The following SRCAP variants were observed in gnomAD, a reference collection of about 807,000 sequenced individuals.
SRCAP encodes the protein Snf2 related CREBBP activator protein.
A neutral mutation model predicts 263.1 loss-of-function variants in SRCAP; 46 were observed. That is an observed-to-expected ratio of 0.17 (90% confidence interval 0.14 to 0.22). The LOEUF is 0.22. SRCAP is among the 10% of genes least tolerant of loss of function. The pLI, the probability that SRCAP is intolerant of heterozygous loss-of-function variation, is 1.00. For synonymous variants in SRCAP, 1,813 were observed against 1,662.1 expected, an observed-to-expected ratio of 1.09 and a Z score of -2.21; for missense variants, 3,695 against 4,181.9, an observed-to-expected ratio of 0.88 and a Z score of 3.21.
chr16:30,704,286 CA>C lies in SRCAP; in HGVS notation c.278del (p.His93LeufsTer29). ...CAAGGGCCCGAAGTGGGAGAAGAGC[CA>C]TGCCGAAATTGCAGAACAGGCCAAG... is the stretch of plus-strand genomic sequence containing the variant. Reference protein sequence around the residue: ...ANKGPKWEKSHAEIAEQAKHE... With the variant: ...ANKGPKWEKSXAEIAEQAKHE... On this transcript the variant is annotated frameshift_variant, in exon 4 of 34. Coordinates refer to ENST00000262518, the MANE Select transcript of SRCAP (RefSeq NM_006662.3). LOFTEE classifies it high-confidence loss of function. 1 of 1,612,412 alleles carries C rather than the reference CA, an allele frequency of 6.2e-7. No homozygotes were observed. The highest frequency in any genetic ancestry group is 8.5e-7 in the Non-Finnish European group (1 of 1,178,732).
intron 20 of SRCAP, 26 bp downstream of exon 20, chr16:30,721,004 A>C (rs1486478762): frequency 6.3e-7 from 1 of 1,575,904 alleles, no homozygotes; most frequent in Admixed American, 1.8e-5. Context: ...GCCAAGGATG[A>C]TGCGTGGTGC....
rs7197770 is a variant in SRCAP at position 30,704,587 on chromosome 16, T to C, written c.306+272T>C. Among the ~76,000 whole-genome samples the C allele has an allele frequency of 0.44, 66,610 of 152,090 alleles. 20,120 individuals carry two copies. The highest frequency in any genetic ancestry group is 0.85 in the African/African-American group (35,286 of 41,476). On this transcript the variant is annotated intron_variant, in intron 4 of 33. Coordinates refer to ENST00000262518, the MANE Select transcript of SRCAP (RefSeq NM_006662.3). ...GCGCAGTGGCTCACACCTGTAATCCTGGCACTTTGGGAGGCTGAGACAGGC... is the reference window on the plus strand; with the variant it reads ...GCGCAGTGGCTCACACCTGTAATCCCGGCACTTTGGGAGGCTGAGACAGGC...
chr16:30,704,953 G>C (rs1003770948), intron 4 of SRCAP, among the ~76,000 whole-genome samples: 1 of 152,136 alleles, frequency 6.6e-6, no homozygotes, highest in African/African-American at 2.4e-5. Flanking sequence ...TTATCCAGTG[G>C]TAAGTGTGGT....
chr16:30,720,684 C>T, intron 19 of SRCAP, 29 bp from the exon 20 acceptor site: 2 of 1,566,146 alleles, frequency 1.3e-6, no homozygotes, highest in Middle Eastern at 1.7e-4. Flanking sequence ...CCTTCTGTCC[C>T]TACCCACTCT....
In SRCAP at chr16:30,738,296, A is replaced by G; in HGVS notation, c.8256A>G (p.Gly2752=). The part of the protein sequence containing the change: ...PGPKVLRKLP[G]RLVTVVEEKE... ...CCAAAGTGCTTCGAAAGCTGCCAGG[A>G]CGGCTGGTAACTGTGGTAGAGGAAA... Residue 2752 remains glycine, a synonymous_variant, in exon 34 of 34, where the codon GGA becomes GGG. Transcript: ENST00000262518. The G allele has an allele frequency of 1.9e-6, 3 of 1,598,600 alleles. No homozygotes were observed. Among genetic ancestry groups the G allele is most frequent in the South Asian group, 2.2e-5 (2 of 89,274 alleles).
rs1002948620 is a variant in SRCAP, at chr16:30,741,180, T to G, written c.*1447T>G. On this transcript the variant is annotated 3_prime_UTR_variant, in exon 34 of 34. Transcript: ENST00000262518. ...GCCCTGACTTAGGGAAGTAAAGTCT[T>G]TCTGATGTTTGGTTTTAGTGGTAAT... is the stretch of plus-strand genomic sequence containing the variant. The G allele has an allele frequency of 1.8e-4, 27 of 152,306 alleles. No individual in the cohort carries two copies. Among genetic ancestry groups the G allele is most frequent in the African/African-American group, 6.5e-4 (27 of 41,532 alleles). The allele number at this position is 152,306 out of a possible 1,614,324, so 9.4% of individuals were successfully genotyped here.
intron 31 of SRCAP, among the ~76,000 whole-genome samples, chr16:30,735,435 C>T (rs1392215970): frequency 2.6e-5 from 4 of 151,154 alleles, no homozygotes; most frequent in Non-Finnish European, 4.4e-5. Flanking sequence ...CGTGAGCCAC[C>T]GCGCCCGGCC....
intron 25 of SRCAP, 134 bp from the exon 26 acceptor site, chr16:30,728,832 G>GA (rs1474539237): frequency 9.0e-7 from 1 of 1,107,802 alleles, no homozygotes; most frequent in African/African-American, 1.6e-5. Flanking sequence ...TGATAACTTG[G>GA]AAAACTACAA....
intron 6 of SRCAP, among the ~76,000 whole-genome samples, chr16:30,708,398 C>CT (rs796153989): frequency 2.3e-4 from 35 of 151,472 alleles, no homozygotes; most frequent in South Asian, 4.2e-4. Flanking sequence ...TTTTTAATTT[C>CT]TTTTTTTTTA....
chr16:30,728,005 T>C (rs867974061), intron 25 of SRCAP, among the ~76,000 whole-genome samples: 1 of 152,226 alleles, frequency 6.6e-6, no homozygotes, highest in South Asian at 2.1e-4. Context: ...TTGCTACTAT[T>C]GGGAGCTAGC....
chr16:30,721,664 C>A (rs374963041), intron 21 of SRCAP, among the ~76,000 whole-genome samples, 188 bp downstream of exon 21: 10 of 152,300 alleles, frequency 6.6e-5, no homozygotes, highest in East Asian at 1.9e-4. Context: ...CATGGTTACG[C>A]CACTGCAATC....
At position 30,720,730 on chromosome 16, in the gene SRCAP, C is replaced by T. The variant is rs1455935876; in HGVS notation, c.3005C>T (p.Pro1002Leu). 1 of 1,607,646 alleles carries T rather than the reference C, an allele frequency of 6.2e-7. No homozygotes were observed. The highest frequency in any genetic ancestry group is 2.2e-5 in the East Asian group (1 of 44,784). ...TCTCACAGGATGCTGCAGCCAGTAC[C>T]TAAGCAAGAAGGCCGGACAGTGGTG... ...MKVNRMLQPVPKQEGRTVVVV... is the reference protein window; with the variant it reads ...MKVNRMLQPVLKQEGRTVVVV... The change falls in exon 20 of 34, where the codon CCT becomes CTT. Residue 1002 changes from proline to leucine, a missense_variant. Pro to Leu is a moderately conservative substitution (Grantham distance 98). Transcript: ENST00000262518.
intron 31 of SRCAP, among the ~76,000 whole-genome samples, chr16:30,735,967 C>T (rs903572906): frequency 5.3e-5 from 8 of 150,914 alleles, no homozygotes; most frequent in African/African-American, 1.2e-4. Context: ...GGAAGTACAG[C>T]GAGCAATCTC....
chr16:30,722,721 C>G lies in SRCAP; in HGVS notation c.3865C>G (p.Leu1289Val). 4 of 1,613,072 alleles carry G rather than the reference C, an allele frequency of 2.5e-6. No individual in the cohort carries two copies. Among genetic ancestry groups the G allele is most frequent in the Non-Finnish European group, 3.4e-6 (4 of 1,179,428 alleles). The change falls in exon 23 of 34, where the codon CTC (leucine) becomes GTC (valine). Residue 1289 changes from leucine to valine, a missense_variant. Physicochemically the swap from Leu to Val is conservative, Grantham distance 32 (BLOSUM62 1). Transcript: ENST00000262518. ...CAGCACCACCCCTGCCCCTACTGGC[C>G]TCAGCCTTCCGCTTGCTGCTAACCA... is the stretch of plus-strand genomic sequence containing the variant. ...TPSTTPAPTG[L>V]SLPLAANQVP...
chr16:30,736,947 T>A, intron 33 of SRCAP, 102 bp from the exon 34 acceptor site: 1 of 1,313,814 alleles, frequency 7.6e-7, no homozygotes, highest in Non-Finnish European at 1.0e-6. Flanking sequence ...GTGCTGGAAT[T>A]ACAGGCGTGA....
Position 30,716,425 on chromosome 16 carries a change from C to G in SRCAP, c.2763C>G (p.Ile921Met), listed in dbSNP as rs757062198. ...CCTCCCCTTTCATCACCCCAGGCAT[C>G]TGCTTCAGCACCGCCTCTCTGGTGC... ...PVTSPFITPG[I>M]CFSTASLVLR... is the part of the protein sequence containing the mutation. Residue 921 changes from isoleucine (I) to methionine (M), a missense_variant, in exon 18 of 34, where the codon ATC becomes ATG. Physicochemically the swap from Ile to Met is conservative, Grantham distance 10. Around this residue, in one of 12 missense-constraint regions of SRCAP, gnomAD observed 147 missense variants for 212.7 expected, o/e 0.69. Coordinates refer to ENST00000262518, the MANE Select transcript of SRCAP (RefSeq NM_006662.3). 6.2e-7 allele frequency: 1 copy of G among 1,614,242 alleles called. No homozygotes were observed. Among genetic ancestry groups the G allele is most frequent in the Non-Finnish European group, 8.5e-7 (1 of 1,180,042 alleles).
Position 30,716,217 on chromosome 16 carries a change from AGGGT to A in SRCAP, c.2630+19_2630+22del. Reference sequence around the variant, plus strand: ...GCACAGACCACGTAAGGGAGGAAGGAGGGTGGGCCCTGGGACTCGAGATTGGAGT... The same window carrying A: ...GCACAGACCACGTAAGGGAGGAAGGAGGGCCCTGGGACTCGAGATTGGAGT... On this transcript the variant is annotated intron_variant, in intron 17 of 33. Transcript: ENST00000262518. 1 of 1,613,894 alleles carries A rather than the reference AGGGT, an allele frequency of 6.2e-7. No homozygotes were observed.
intron 3 of SRCAP, among the ~76,000 whole-genome samples, chr16:30,703,528 G>A (rs987759101): frequency 6.6e-6 from 1 of 151,602 alleles, no homozygotes; most frequent in African/African-American, 2.4e-5. Flanking sequence ...TGGGAACTGT[G>A]TAAATGTCAG....
intron 31 of SRCAP, among the ~76,000 whole-genome samples, chr16:30,734,936 A>G (rs1416375907): frequency 1.3e-5 from 2 of 152,122 alleles, no homozygotes; most frequent in Admixed American, 6.6e-5. Context: ...TGGGTAGCTC[A>G]TGCCTGTAAT....
Sources: gnomAD v4.1 joint callset for allele counts (sites outside exome capture counted in the v4.1 genomes callset) on GRCh38, gnomAD v4.1.1 for gene constraint, gnomAD v4.1.1 regional missense constraint, MANE v1.5 for transcripts, NCBI Gene and HGNC (gene_info 2026-07-23, HGNC 2026-07-21) for gene names.